The following EPB41 variants were observed in gnomAD, a reference collection of about 807,000 sequenced individuals.
EPB41 encodes the protein erythrocyte membrane protein band 4.1.
A neutral mutation model predicts 108.0 loss-of-function variants in EPB41; 65 were observed. The observed-to-expected ratio is 0.60, with a 90% CI of 0.49 to 0.74. The LOEUF (loss-of-function observed/expected upper bound fraction) is 0.74. Ranked by LOEUF, EPB41 falls within the 30% of genes least tolerant of loss-of-function variation. The probability of loss-of-function intolerance (pLI) is 0.00; values close to 1 mark genes in which losing one functional copy is unlikely to be tolerated. For missense variants in EPB41, 875 were observed against 1,037.0 expected (o/e 0.84, Z 2.15); for synonymous variants, 336 against 358.9 (o/e 0.94, Z 0.72).
In EPB41 at chr1:28,887,665, G is replaced by A. The variant is rs969906876; in HGVS notation, c.-8+455G>A. The A allele has an allele frequency of 1.1e-5, 11 of 985,132 alleles. No individual in the cohort carries two copies. Among genetic ancestry groups the A allele is most frequent in the Non-Finnish European group, 1.3e-5 (11 of 829,854 alleles). The allele number at this position is 985,132 out of a possible 1,614,324, so 61.0% of individuals were successfully genotyped here. On this transcript the variant is annotated intron_variant, in intron 1 of 16. Coordinates refer to the EPB41 transcript ENST00000347529. The surrounding 1 kb of genome is among the most constrained non-coding windows in gnomAD (Gnocchi z 4.9). ...GGCTAGCAGCGGGAGGGGGCTCCGG[G>A]GCCTGGAGCCCCGCGCCCCGCTCCG... is the stretch of plus-strand genomic sequence containing the variant.
chr1:28,900,374 G>T (rs1192681891), intron 1 of EPB41, among the ~76,000 whole-genome samples: 3 of 150,244 alleles, frequency 2.0e-5, no homozygotes, highest in African/African-American at 7.4e-5. Flanking sequence ...TGCAACCTCT[G>T]CCTCCCAGGT....
At chr1:28,909,769 C>G (rs2092120994), upstream of EPB41, among the ~76,000 whole-genome samples, 1 of 152,016 alleles carries the variant, frequency 6.6e-6, no homozygotes, top group South Asian at 2.1e-4. Flanking sequence ...TGTACTCCAG[C>G]TTGGGTGACA....
In EPB41 at chr1:28,972,087, A is replaced by G. The variant is rs2095509292; in HGVS notation, c.-7-15344A>G. On this transcript the variant is annotated intron_variant, in intron 1 of 20. Coordinates refer to ENST00000343067, the MANE Select transcript of EPB41 (RefSeq NM_001376013.1). Reference sequence around the variant, plus strand: ...CAGGTGCACGCTACCATGCCCAGCTAATTTTTTGTATCCTTTGTAGAGATA... The same window carrying G: ...CAGGTGCACGCTACCATGCCCAGCTGATTTTTTGTATCCTTTGTAGAGATA... 3.3e-5 allele frequency among the ~76,000 whole-genome samples: 5 copies of G among 152,046 alleles called. No homozygotes were observed. In the South Asian group the frequency reaches 1.0e-3, roughly 32 times the overall value.
intron 1 of EPB41, among the ~76,000 whole-genome samples, chr1:28,902,694 G>T (rs1046767445): frequency 8.5e-5 from 13 of 152,172 alleles, no homozygotes; most frequent in Non-Finnish European, 1.8e-4. Context: ...GGAGCTAGGT[G>T]TAGGGTTTCC....
At position 29,070,167 on chromosome 1, in the gene EPB41, G is replaced by A. The variant is rs567167065; in HGVS notation, c.2184+5009G>A. 2.8e-5 allele frequency: 11 copies of A among 389,228 alleles called. 1 individual carries two copies. In the South Asian group the frequency reaches 1.4e-3, roughly 51 times the overall value. The allele number at this position is 389,228 out of a possible 1,614,324, so 24.1% of individuals were successfully genotyped here. ...TTCTAATGTTCACTCACTCAAAAAG[G>A]TATCTATTGAGCACCCTATTGTGTT... On this transcript the variant is annotated intron_variant, in intron 16 of 20. Transcript: ENST00000343067.
At chr1:29,039,719 C>T (rs190561582) in intron 11 of EPB41, among the ~76,000 whole-genome samples, 2 of 152,096 alleles carry the variant, frequency 1.3e-5, no homozygotes, top group African/African-American at 4.8e-5. Context: ...GAGGCTGAGA[C>T]AGGAGAATTG....
At chr1:29,099,350 G>A (rs1244216375) in intron 17 of EPB41, among the ~76,000 whole-genome samples, 1 of 151,460 alleles carries the variant, frequency 6.6e-6, no homozygotes, top group African/African-American at 2.4e-5. Context: ...TCTGAGAAAG[G>A]GTCTCACTCT....
chr1:29,047,252 C>CTTTTTTTTTTT (rs1558142163), intron 11 of EPB41, among the ~76,000 whole-genome samples: 1 of 94,864 alleles, frequency 1.1e-5, no homozygotes, highest in Non-Finnish European at 1.9e-5. Context: ...TTCTTTCTTT[C>CTTTTTTTTTTT]CTTTTTTTTT....
chr1:29,005,710 G>C (rs1328704635), intron 4 of EPB41, among the ~76,000 whole-genome samples: 5 of 152,130 alleles, frequency 3.3e-5, no homozygotes, highest in Non-Finnish European at 7.3e-5. Context: ...TGAATTATAA[G>C]AGACAGTCAG....
intron 1 of EPB41, among the ~76,000 whole-genome samples, chr1:28,974,162 A>G (rs554178594): frequency 4.6e-5 from 7 of 152,298 alleles, no homozygotes; most frequent in African/African-American, 1.4e-4. Flanking sequence ...CGAATGTAAG[A>G]TTTAAGATGC....
chr1:28,902,623 C>A (rs535163885), intron 1 of EPB41, among the ~76,000 whole-genome samples: 1 of 152,264 alleles, frequency 6.6e-6, no homozygotes, highest in South Asian at 2.1e-4. Flanking sequence ...CAATGTTTTC[C>A]CACAACACCC....
rs185195686 is a variant in EPB41 at position 29,033,276 on chromosome 1, C to A, written c.1365+31C>A. On this transcript the variant is annotated intron_variant, in intron 9 of 20. Transcript: ENST00000343067. ...GAATTTATATTTCCTTCCTCCCAAA[C>A]CAGACACAGTCTGTATCTGAAATAT... 975 of 1,610,252 alleles carry A rather than the reference C, an allele frequency of 6.1e-4. 10 individuals carry two copies. In the African/African-American group the frequency reaches 0.012, roughly 19 times the overall value.
At chr1:29,008,378 A>T (rs988128294) in intron 4 of EPB41, among the ~76,000 whole-genome samples, 5 of 152,216 alleles carry the variant, frequency 3.3e-5, no homozygotes, top group African/African-American at 1.2e-4. Context: ...TTTAGTATAC[A>T]TCAAATAATT....
chr1:29,095,303 A>G (rs1613500), intron 16 of EPB41, among the ~76,000 whole-genome samples: 18,715 of 152,136 alleles, frequency 0.12, 1,577 homozygotes, highest in African/African-American at 0.25. Context: ...TTAATTGTTT[A>G]CAAAGAAACA....
chr1:29,033,038 A>G (rs1250700712), intron 8 of EPB41, 55 bp from the exon 9 acceptor site: 2 of 1,537,018 alleles, frequency 1.3e-6, no homozygotes, highest in African/African-American at 2.7e-5. Flanking sequence ...GTAATAGTCA[A>G]CAGTGTATTG....
intron 16 of EPB41, chr1:29,068,753 A>G: frequency 8.1e-7 from 1 of 1,232,140 alleles, no homozygotes; most frequent in Non-Finnish European, 1.0e-6. Context: ...CTTCTGTCCT[A>G]CCCTCGGAAA....
At chr1:29,053,018 A>T in intron 11 of EPB41, 86 bp from the exon 12 acceptor site, 1 of 1,420,680 alleles carries the variant, frequency 7.0e-7, no homozygotes, top group Non-Finnish European at 9.8e-7. Context: ...TGTATCCTGG[A>T]TTCACAATTA....
In EPB41 at chr1:28,987,684, T is replaced by G; in HGVS notation, c.247T>G (p.Phe83Val). The change falls in exon 2 of 21, where the codon TTC (phenylalanine) becomes GTC (valine). Residue 83 changes from phenylalanine to valine, a missense_variant. Transcript: ENST00000343067. The stretch of plus-strand genomic sequence containing the variant: ...AGAAAGCAGAGGACTTTCACGACTA[T>G]TCTCCTCGTTTCTCAAAAGGCCCAA... ...TSESRGLSRL[F>V]SSFLKRPKSQ... The G allele has an allele frequency of 1.2e-6, 2 of 1,614,204 alleles. No individual in the cohort carries two copies. The highest frequency in any genetic ancestry group is 1.7e-6 in the Non-Finnish European group (2 of 1,180,034).
intron 2 of EPB41, among the ~76,000 whole-genome samples, chr1:28,989,911 G>T (rs963784429): frequency 6.6e-6 from 1 of 152,072 alleles, no homozygotes; most frequent in African/African-American, 2.4e-5. Flanking sequence ...TAAAGGCAAA[G>T]AAACCATTCA....
Sources: gnomAD v4.1 joint callset for allele counts (sites outside exome capture counted in the v4.1 genomes callset) on GRCh38, gnomAD v4.1.1 for gene constraint, Gnocchi (gnomAD v3.1) non-coding constraint, MANE v1.5 for transcripts, NCBI Gene and HGNC (gene_info 2026-07-23, HGNC 2026-07-21) for gene names.